The following CLTC variants were observed in gnomAD, a reference collection of about 807,000 sequenced individuals.
CLTC encodes clathrin heavy chain.
A neutral mutation model predicts 195.8 loss-of-function variants in CLTC; 16 were observed. That is an observed-to-expected ratio of 0.08 (90% confidence interval 0.06 to 0.12). The LOEUF is 0.12. Among genes scored for constraint, CLTC ranks in the 10% least tolerant of loss-of-function variants. CLTC has a pLI of 1.00. For synonymous variants in CLTC, 667 were observed against 689.4 expected (o/e 0.97, Z 0.51); for missense variants, 796 against 2,027.0 (o/e 0.39, Z 11.66).
intron 28 of CLTC, among the ~76,000 whole-genome samples, chr17:59,684,724 T>G (rs2033144279): frequency 6.7e-6 from 1 of 148,782 alleles, no homozygotes; most frequent in African/African-American, 2.5e-5. Flanking sequence ...GAGAATCGCT[T>G]GAACCCTAGA....
chr17:59,668,633 ATAGT>A (rs370120223), intron 13 of CLTC, 140 bp from the exon 14 acceptor site: 65 of 596,806 alleles, frequency 1.1e-4, no homozygotes, highest in East Asian at 9.7e-4. Flanking sequence ...GATTAATGGA[ATAGT>A]TAGTATTTTT....
intron 8 of CLTC, among the ~76,000 whole-genome samples, chr17:59,661,990 C>T (rs1177625141): frequency 1.3e-5 from 2 of 151,786 alleles, no homozygotes; most frequent in African/African-American, 2.4e-5. Flanking sequence ...GTAATCCCAG[C>T]TACTTGGGAG....
chr17:59,666,266 A>C lies in CLTC; in HGVS notation c.1782+26A>C. The C allele has an allele frequency of 6.2e-7, 1 of 1,608,204 alleles. No individual in the cohort carries two copies. The highest frequency in any genetic ancestry group is 1.1e-5 in the South Asian group (1 of 90,914). ...GTATGTGTTTTAATGCTTTTTAGGC[A>C]TGTTTCCAACATTGTTTTAGTAATT... On this transcript the variant is annotated intron_variant, in intron 11 of 31. Transcript: ENST00000269122. This position sits in a 1 kb window ranked among gnomAD's most constrained non-coding sequence, Gnocchi z 4.9.
intron 6 of CLTC, among the ~76,000 whole-genome samples, chr17:59,657,916 G>T (rs897148298): frequency 1.3e-5 from 2 of 151,156 alleles, no homozygotes; most frequent in Non-Finnish European, 3.0e-5. Context: ...AAAAAGACAG[G>T]GGCTGGGCAC....
intron 9 of CLTC, among the ~76,000 whole-genome samples, chr17:59,664,360 T>G (rs1285003970): frequency 6.6e-6 from 1 of 152,058 alleles, no homozygotes; most frequent in Non-Finnish European, 1.5e-5. Context: ...GAGACCAGCC[T>G]GGGTAACATG....
rs76471984 is a variant in CLTC at position 59,620,149 on chromosome 17, A to C, written c.18A>C (p.Pro6=). ...ACAGCGCCATGGCCCAGATTCTGCC[A>C]ATTCGTTTTCAGGAGCATCTCCAGG... is the stretch of plus-strand genomic sequence containing the variant. The part of the protein sequence containing the change: MAQIL[P]IRFQEHLQLQ... Residue 6 remains proline (P), a synonymous_variant, in exon 1 of 32, where the codon CCA becomes CCC. Transcript: ENST00000269122. The C allele has an allele frequency of 3.8e-4, 611 of 1,611,986 alleles. No individual in the cohort carries two copies. The highest frequency in any genetic ancestry group is 4.5e-4 in the Non-Finnish European group (532 of 1,178,994).
intron 9 of CLTC, among the ~76,000 whole-genome samples, chr17:59,664,515 C>T (rs2032680050): frequency 6.9e-6 from 1 of 145,488 alleles, no homozygotes; most frequent in Admixed American, 7.1e-5. Flanking sequence ...TGCACCTCTG[C>T]ACTCCAGCTT....
intron 1 of CLTC, among the ~76,000 whole-genome samples, chr17:59,620,981 G>C (rs1249623994): frequency 6.6e-6 from 1 of 152,090 alleles, no homozygotes; most frequent in African/African-American, 2.4e-5. Context: ...TAGTCTTCTC[G>C]AGTAGTAGCA....
At chr17:59,628,283 T>C (rs1598200423) in intron 1 of CLTC, among the ~76,000 whole-genome samples, 1 of 152,202 alleles carries the variant, frequency 6.6e-6, no homozygotes, top group African/African-American at 2.4e-5. Flanking sequence ...TTATGTCAGG[T>C]TTTCAACTTG....
At chr17:59,690,788 T>C in intron 31 of CLTC, 77 bp downstream of exon 31, 1 of 1,106,718 alleles carries the variant, frequency 9.0e-7, no homozygotes, top group Non-Finnish European at 1.3e-6. Context: ...CAAAATAGAA[T>C]ACAACAAGCT....
Position 59,664,825 on chromosome 17 carries a change from T to G in CLTC, c.1560T>G (p.Asn520Lys). 1 of 1,614,098 alleles carries G rather than the reference T, an allele frequency of 6.2e-7. No individual in the cohort carries two copies. Among genetic ancestry groups the G allele is most frequent in the Non-Finnish European group, 8.5e-7 (1 of 1,179,964 alleles). The change falls in exon 10 of 32, where the codon AAT (asparagine) becomes AAG (lysine). Residue 520 changes from asparagine (N) to lysine (K), a missense_variant. Coordinates refer to ENST00000269122, the MANE Select transcript of CLTC (RefSeq NM_004859.4). The stretch of plus-strand genomic sequence containing the variant: ...CAGATTGGATATTTCTGCTGAGAAA[T>G]GTAATGCGAATCAGTCCAGATCAGG... ...YTPDWIFLLRNVMRISPDQGQ... is the reference protein window; with the variant it reads ...YTPDWIFLLRKVMRISPDQGQ...
Position 59,682,228 on chromosome 17 carries a change from GGAT to G in CLTC, c.3443-41_3443-39del. The G allele has an allele frequency of 6.4e-7, 1 of 1,551,942 alleles. No homozygotes were observed. Among genetic ancestry groups the G allele is most frequent in the Non-Finnish European group, 8.8e-7 (1 of 1,136,584 alleles). On this transcript the variant is annotated intron_variant, in intron 21 of 31. Coordinates refer to ENST00000269122, the MANE Select transcript of CLTC (RefSeq NM_004859.4). This position sits in a 1 kb window ranked among gnomAD's most constrained non-coding sequence, Gnocchi z 6.8. ...ATTTACTTGGGTGAAAGATAAACTA[GGAT>G]GTTAGTGTTTGGATATATTTTTTCT... is the stretch of plus-strand genomic sequence containing the variant.
rs1230866821 is a variant in CLTC, at chr17:59,674,849, G to A, written c.2561+6G>A. 1 of 1,611,126 alleles carries A rather than the reference G, an allele frequency of 6.2e-7. No individual in the cohort carries two copies. The highest frequency in any genetic ancestry group is 8.5e-7 in the Non-Finnish European group (1 of 1,178,830). ...GAGGTTGAAAAAAGAAACAGGTGTA[G>A]TACCATTTTAACAGGGATAAGTTAC... On this transcript the variant is annotated splice_donor_region_variant and intron_variant, in intron 16 of 31. Coordinates refer to ENST00000269122, the MANE Select transcript of CLTC (RefSeq NM_004859.4).
Position 59,648,897 on chromosome 17 carries a change from A to G in CLTC, c.681+496A>G, listed in dbSNP as rs1023985094. The stretch of plus-strand genomic sequence containing the variant: ...TTTTGTAGAGACAGGGTCTCACTAT[A>G]CTGCCCAGGCTGGTCTCAAACCTCT... On this transcript the variant is annotated intron_variant, in intron 4 of 31. Coordinates refer to ENST00000269122, the MANE Select transcript of CLTC (RefSeq NM_004859.4). The surrounding 1 kb of genome is among the most constrained non-coding windows in gnomAD (Gnocchi z 4.5). Among the ~76,000 whole-genome samples, 5 of 152,098 alleles carry G rather than the reference A, an allele frequency of 3.3e-5. No individual in the cohort carries two copies. Among genetic ancestry groups the G allele is most frequent in the Middle Eastern group, 6.8e-3 (2 of 294 alleles).
intron 28 of CLTC, chr17:59,684,302 ATATT>A (rs140542373): frequency 4.0e-4 from 85 of 213,402 alleles, no homozygotes; most frequent in African/African-American, 1.8e-3. Flanking sequence ...GGTATTAACT[ATATT>A]TATTCACCAT....
chr17:59,661,302 T>A, intron 7 of CLTC, 141 bp from the exon 8 acceptor site: 1 of 643,044 alleles, frequency 1.6e-6, no homozygotes, highest in Non-Finnish European at 2.7e-6. Flanking sequence ...TGTTAATAGA[T>A]GGATTCATTC....
At chr17:59,653,394 G>A (rs191433742) in intron 5 of CLTC, among the ~76,000 whole-genome samples, 42 of 151,304 alleles carry the variant, frequency 2.8e-4, no homozygotes, top group African/African-American at 9.0e-4. Context: ...GGGGTTTCAC[G>A]GTGTTAGCCA....
Position 59,689,923 on chromosome 17 carries a change from G to T in CLTC, c.4828-713G>T, listed in dbSNP as rs1598247939. Reference sequence around the variant, plus strand: ...TTCCTTTCTTTCACTAATACATTTGGCCTGCTCTACAGAATTACTTCTGTC... The same window carrying T: ...TTCCTTTCTTTCACTAATACATTTGTCCTGCTCTACAGAATTACTTCTGTC... On this transcript the variant is annotated intron_variant, in intron 30 of 31. Transcript: ENST00000269122. The T allele has an allele frequency of 2.6e-5, 4 of 152,272 alleles. No homozygotes were observed. In the South Asian group the frequency reaches 8.3e-4, roughly 32 times the overall value. The allele number at this position is 152,272 out of a possible 1,614,324, so 9.4% of individuals were successfully genotyped here. A position where few individuals can be genotyped will look rare whatever the true frequency, so the allele number is the denominator to read the frequency against.
At chr17:59,664,637 C>T (rs1050146268) in intron 9 of CLTC, 150 bp from the exon 10 acceptor site, 3 of 617,756 alleles carry the variant, frequency 4.9e-6, no homozygotes, top group African/African-American at 3.8e-5. Context: ...AATATGTCAT[C>T]ACCAAGGTCT....
Sources: gnomAD v4.1 joint callset for allele counts (sites outside exome capture counted in the v4.1 genomes callset) on GRCh38, gnomAD v4.1.1 for gene constraint, Gnocchi (gnomAD v3.1) non-coding constraint, MANE v1.5 for transcripts, NCBI Gene and HGNC (gene_info 2026-07-23, HGNC 2026-07-21) for gene names.